Variants in PRMT3 observed in about 807,000 individuals in gnomAD.
The protein encoded by PRMT3 is protein arginine methyltransferase 3, also known as protein arginine N-methyltransferase 3.
A neutral mutation model predicts 71.9 loss-of-function variants in PRMT3; 62 were observed. That is an observed-to-expected ratio of 0.86 (90% CI 0.70 to 1.07). PRMT3 has a LOEUF of 1.07. PRMT3 is among the 50% of genes least tolerant of loss of function. PRMT3 has a pLI of 0.00. For synonymous variants in PRMT3, 213 were observed against 220.4 expected (o/e 0.97, Z 0.30); for missense variants, 663 against 643.0 (o/e 1.03, Z -0.34).
intron 10 of PRMT3, among the ~76,000 whole-genome samples, chr11:20,446,871 G>A (rs1327886411): frequency 6.6e-6 from 1 of 152,134 alleles, no homozygotes; most frequent in Non-Finnish European, 1.5e-5. Context: ...ATTTTGCCAA[G>A]TGCCTAACAG....
intron 15 of PRMT3, among the ~76,000 whole-genome samples, chr11:20,501,292 T>C (rs1380867027): frequency 6.6e-6 from 1 of 152,100 alleles, no homozygotes; most frequent in Non-Finnish European, 1.5e-5. Flanking sequence ...CTTCTTGATG[T>C]GATGTAGTAT....
intron 10 of PRMT3, among the ~76,000 whole-genome samples, chr11:20,447,798 GT>G (rs1189613090): frequency 2.0e-5 from 3 of 151,848 alleles, no homozygotes; most frequent in Non-Finnish European, 4.4e-5. Flanking sequence ...ATCTTATTGT[GT>G]TTGTTTGCCT....
intron 10 of PRMT3, among the ~76,000 whole-genome samples, chr11:20,439,318 T>TC (rs35865825): frequency 0.42 from 64,130 of 151,878 alleles, 13,918 homozygotes; most frequent in African/African-American, 0.51. Flanking sequence ...AGGGAGAAGT[T>TC]CTCCTGATTC....
chr11:20,450,082 G>A (rs949382441), intron 10 of PRMT3, among the ~76,000 whole-genome samples: 1 of 152,142 alleles, frequency 6.6e-6, no homozygotes, highest in African/African-American at 2.4e-5. Flanking sequence ...TAACAGCTGA[G>A]CTGAAAGATA....
chr11:20,404,243 T>TTGTTTTGTTTTG (rs753374774), intron 8 of PRMT3, among the ~76,000 whole-genome samples: 9 of 70,652 alleles, frequency 1.3e-4, no homozygotes, highest in East Asian at 1.2e-3. Context: ...TTTTTTTTTT[T>TTGTTTTGTTTTG]TTTTTTTTTG....
intron 10 of PRMT3, among the ~76,000 whole-genome samples, chr11:20,437,172 G>A (rs1371223090): frequency 6.6e-6 from 1 of 151,418 alleles, no homozygotes; most frequent in Non-Finnish European, 1.5e-5. Context: ...TTCTTGGTTA[G>A]TCTAGCTAAT....
intron 10 of PRMT3, among the ~76,000 whole-genome samples, chr11:20,446,051 G>A (rs1298923354): frequency 1.3e-5 from 2 of 152,090 alleles, no homozygotes; most frequent in East Asian, 1.9e-4. Context: ...GTGCTTGTAC[G>A]TGTGTGCTCT....
chr11:20,412,112 T>G (rs1849206568), intron 9 of PRMT3, among the ~76,000 whole-genome samples: 1 of 152,158 alleles, frequency 6.6e-6, no homozygotes, highest in South Asian at 2.1e-4. Flanking sequence ...TCTAGTTGCT[T>G]GTTGAATGCT....
Position 20,462,178 on chromosome 11 carries a change from T to A in PRMT3, c.1260+11T>A. ...CCTTGTGGTATTAAGGTAGGTGTTT[T>A]ACCAACTTTATTTTTTATAATGGTA... On this transcript the variant is annotated intron_variant, in intron 12 of 15. Transcript: ENST00000331079. 4.5e-6 allele frequency: 7 copies of A among 1,546,694 alleles called. No individual in the cohort carries two copies. Among genetic ancestry groups the A allele is most frequent in the Non-Finnish European group, 6.1e-6 (7 of 1,139,118 alleles).
intron 13 of PRMT3, among the ~76,000 whole-genome samples, chr11:20,487,294 A>T (rs1489632455): frequency 1.3e-5 from 2 of 152,174 alleles, no homozygotes; most frequent in Non-Finnish European, 2.9e-5. Flanking sequence ...CCCAATGGCC[A>T]TGTTATGTAT....
At chr11:20,481,057 T>C (rs1482604903) in intron 13 of PRMT3, among the ~76,000 whole-genome samples, 1 of 152,112 alleles carries the variant, frequency 6.6e-6, no homozygotes, top group Non-Finnish European at 1.5e-5. Context: ...TGAAAGACTT[T>C]TTGAAAATAT....
At position 20,395,928 on chromosome 11, in the gene PRMT3, T is replaced by G. The variant is rs752857100; in HGVS notation, c.526T>G (p.Leu176Val). The change falls in exon 6 of 16, where the codon TTG becomes GTG. Residue 176 changes from leucine to valine, a missense_variant. By Grantham distance (32) the Leu-to-Val change is conservative. Coordinates refer to ENST00000331079, the MANE Select transcript of PRMT3 (RefSeq NM_005788.4). Reference protein sequence around the residue: ...EARALSAEAALARAREDLQKM... With the variant: ...EARALSAEAAVARAREDLQKM... Reference sequence around the variant, plus strand: ...CAGGGCACTGTCTGCTGAAGCCGCATTGGCCAGAGCACGTGAGGATCTGCA... The same window carrying G: ...CAGGGCACTGTCTGCTGAAGCCGCAGTGGCCAGAGCACGTGAGGATCTGCA... 1.1e-5 allele frequency: 18 copies of G among 1,613,984 alleles called. No individual in the cohort carries two copies. Among genetic ancestry groups the G allele is most frequent in the Non-Finnish European group, 1.4e-5 (16 of 1,180,026 alleles).
chr11:20,500,255 A>G (rs987705205), intron 15 of PRMT3, among the ~76,000 whole-genome samples: 5 of 152,224 alleles, frequency 3.3e-5, no homozygotes, highest in Admixed American at 2.6e-4. Context: ...CAGAGAAATT[A>G]AAGAAAACTT....
intron 7 of PRMT3, among the ~76,000 whole-genome samples, chr11:20,402,280 C>A (rs192840882): frequency 6.6e-6 from 1 of 151,956 alleles, no homozygotes; most frequent in Non-Finnish European, 1.5e-5. Flanking sequence ...CCACCACACC[C>A]GACTAATTTT....
chr11:20,479,672 A>G (rs1188773647), intron 13 of PRMT3, among the ~76,000 whole-genome samples: 3 of 152,088 alleles, frequency 2.0e-5, no homozygotes, highest in African/African-American at 7.2e-5. Flanking sequence ...TTTTGATAGT[A>G]TTTTTTTAAA....
At position 20,509,075 on chromosome 11, in the gene PRMT3, A is replaced by G. The variant is rs965588315; in HGVS notation, c.*662A>G. 6.5e-6 allele frequency: 1 copy of G among 153,018 alleles called. No homozygotes were observed. The highest frequency in any genetic ancestry group is 1.5e-5 in the Non-Finnish European group (1 of 68,600). The allele number at this position is 153,018 out of a possible 1,614,324, so 9.5% of individuals were successfully genotyped here. A position where few individuals can be genotyped will look rare whatever the true frequency, so the allele number is the denominator to read the frequency against. On this transcript the variant is annotated 3_prime_UTR_variant, in exon 16 of 16. Coordinates refer to ENST00000331079, the MANE Select transcript of PRMT3 (RefSeq NM_005788.4). ...ACTGCCCAGGAAATCTAATTTCAATACATTTATCCTAGGTTTCATGAAAGT... is the reference window on the plus strand; with the variant it reads ...ACTGCCCAGGAAATCTAATTTCAATGCATTTATCCTAGGTTTCATGAAAGT...
chr11:20,452,022 G>GA (rs944007871), intron 10 of PRMT3, 108 bp from the exon 11 acceptor site: 2,393 of 719,694 alleles, frequency 3.3e-3, no homozygotes, highest in Middle Eastern at 7.1e-3. Flanking sequence ...ATCTGTGGCA[G>GA]AAAAAAAAAT....
chr11:20,451,580 G>C (rs1431471197), intron 10 of PRMT3, among the ~76,000 whole-genome samples: 1 of 151,864 alleles, frequency 6.6e-6, no homozygotes, highest in Non-Finnish European at 1.5e-5. Context: ...CTCAACCTTA[G>C]TGCTATTGAC....
rs1848810198 is a variant in PRMT3 at position 20,395,740 on chromosome 11, C to G, written c.401-63C>G. 4.1e-6 allele frequency: 6 copies of G among 1,481,026 alleles called. No homozygotes were observed. The Admixed American group carries it at 1.2e-4, about 30-fold the overall frequency. 91.7% of individuals were successfully genotyped at this position (1,481,026 alleles called of 1,614,324 possible). ...AAACTTAGGGCGTATTTATTCCTAA[C>G]ATATTTATACTTGTTTTATTGTTAT... On this transcript the variant is annotated intron_variant, in intron 5 of 15. Transcript: ENST00000331079.
Sources: gnomAD v4.1 joint callset for allele counts (sites outside exome capture counted in the v4.1 genomes callset) on GRCh38, gnomAD v4.1.1 for gene constraint, MANE v1.5 for transcripts, NCBI Gene and HGNC (gene_info 2026-07-23, HGNC 2026-07-21) for gene names.